The following FAM13A variants were observed in gnomAD, a reference collection of about 807,000 sequenced individuals.
FAM13A encodes the protein family with sequence similarity 13 member A, also known as protein FAM13A.
In FAM13A, 76 loss-of-function variants were observed where a neutral mutation model predicts 129.6. The ratio of observed to expected loss-of-function variants is 0.59; its 90% confidence interval spans 0.49 to 0.71. FAM13A has a LOEUF of 0.71. Among genes scored for constraint, FAM13A ranks in the 30% least tolerant of loss-of-function variants. The pLI is 0.00. For synonymous variants in FAM13A, 443 were observed against 449.9 expected (o/e 0.98, Z 0.20); for missense variants, 1,108 against 1,249.3 (o/e 0.89, Z 1.70).
At chr4:88,752,087 G>A (rs1187721309) in intron 14 of FAM13A, among the ~76,000 whole-genome samples, 9 of 152,160 alleles carry the variant, frequency 5.9e-5, no homozygotes, top group African/African-American at 9.7e-5. Context: ...AAGTCACACA[G>A]GGAAATATAA....
chr4:88,851,930 A>C (rs1168073105), intron 6 of FAM13A, among the ~76,000 whole-genome samples: 1 of 152,162 alleles, frequency 6.6e-6, no homozygotes, highest in Non-Finnish European at 1.5e-5. Flanking sequence ...TTTCCTTTAA[A>C]ATGTAAAAAA....
intron 4 of FAM13A, among the ~76,000 whole-genome samples, chr4:88,973,334 C>T (rs1370293108): frequency 6.6e-6 from 1 of 151,802 alleles, no homozygotes; most frequent in Non-Finnish European, 1.5e-5. Flanking sequence ...TATTCTATTC[C>T]ATGTTTTTCA....
chr4:89,036,294 A>G (rs1486658120), intron 1 of FAM13A, among the ~76,000 whole-genome samples: 1 of 152,214 alleles, frequency 6.6e-6, no homozygotes, highest in Non-Finnish European at 1.5e-5. Context: ...TAGCAAAGGA[A>G]GTGGCAGCAT....
chr4:88,957,064 G>A (rs771394919), intron 4 of FAM13A, among the ~76,000 whole-genome samples: 3 of 152,276 alleles, frequency 2.0e-5, no homozygotes, highest in Non-Finnish European at 4.4e-5. Context: ...AGTGGCTCAC[G>A]CCTGTAATCC....
chr4:88,772,829 GT>G (rs1720953488), intron 11 of FAM13A, among the ~76,000 whole-genome samples: 1 of 152,134 alleles, frequency 6.6e-6, no homozygotes, highest in African/African-American at 2.4e-5. Flanking sequence ...AAATCAGATG[GT>G]TGTATGGATA....
intron 6 of FAM13A, among the ~76,000 whole-genome samples, chr4:88,883,653 T>C (rs1743959049): frequency 6.6e-6 from 1 of 151,192 alleles, no homozygotes; most frequent in Admixed American, 6.6e-5. Context: ...AGAAAAGAAA[T>C]AATGAAGATC....
At chr4:88,972,299 CTTTTTTTTT>C (rs57674045) in intron 4 of FAM13A, among the ~76,000 whole-genome samples, 1 of 137,638 alleles carries the variant, frequency 7.3e-6, no homozygotes, top group Non-Finnish European at 1.6e-5. Flanking sequence ...TTCTCCTTCA[CTTTTTTTTT>C]TTTTTTTTTT....
At chr4:88,787,044 T>C (rs954270604) in intron 10 of FAM13A, among the ~76,000 whole-genome samples, 32 of 152,080 alleles carry the variant, frequency 2.1e-4, no homozygotes, top group Non-Finnish European at 1.6e-4. Flanking sequence ...TATGAATATC[T>C]GTATAGTCTA....
chr4:88,736,441 TAACTACAGC>T (rs962134505), intron 21 of FAM13A: 1 of 152,200 alleles, frequency 6.6e-6, no homozygotes, highest in Admixed American at 6.5e-5. Flanking sequence ...TAATCATTCC[TAACTACAGC>T]ACGTAAATGA....
chr4:88,812,234 T>C (rs1024840443), intron 7 of FAM13A, among the ~76,000 whole-genome samples: 3 of 152,156 alleles, frequency 2.0e-5, no homozygotes, highest in South Asian at 2.1e-4. Context: ...ATCTCTTACC[T>C]CCATATTTGA....
At position 88,914,162 on chromosome 4, in the gene FAM13A, C is replaced by G. The variant is rs903313470; in HGVS notation, c.760-7700G>C. Among the ~76,000 whole-genome samples, 6 of 152,222 alleles carry G rather than the reference C, an allele frequency of 3.9e-5. No homozygotes were observed. The South Asian group carries it at 1.0e-3, about 26-fold the overall frequency. On this transcript the variant is annotated intron_variant, in intron 5 of 23. Coordinates refer to ENST00000264344, the MANE Select transcript of FAM13A (RefSeq NM_014883.4). Reference sequence around the variant, plus strand: ...CGCCAAGTGCAGTCAGTACTATCTCCAAAATAAACTGAAATCGGTCTACTC... The same window carrying G: ...CGCCAAGTGCAGTCAGTACTATCTCGAAAATAAACTGAAATCGGTCTACTC...
In FAM13A at chr4:88,781,191, G is replaced by A. The variant is rs748287571; in HGVS notation, c.1432C>T (p.Leu478Phe). The A allele has an allele frequency of 1.3e-5, 21 of 1,609,010 alleles. No individual in the cohort carries two copies. Among genetic ancestry groups the A allele is most frequent in the Non-Finnish European group, 1.7e-5 (20 of 1,177,568 alleles). The change falls in exon 11 of 24, where the codon CTT becomes TTT. Residue 478 changes from leucine (L) to phenylalanine (F), a missense_variant. Leu to Phe is a conservative substitution (Grantham distance 22, BLOSUM62 0). Around this residue, in one of 3 missense-constraint regions of FAM13A, gnomAD observed 566 missense variants for 595.7 expected, o/e 0.95. Coordinates refer to ENST00000264344, the MANE Select transcript of FAM13A (RefSeq NM_014883.4). ...ACAAGACCGTCCTGATTGTCATGAA[G>A]CTCAGAAAGTTTAGTACTGGATTTC... ...RQKSSTKLSE[L>F]HDNQDGLVNM...
At chr4:89,049,089 G>C (rs1771224394) in intron 1 of FAM13A, among the ~76,000 whole-genome samples, 1 of 152,090 alleles carries the variant, frequency 6.6e-6, no homozygotes, top group Admixed American at 6.5e-5. Context: ...ATAGTGTTTT[G>C]AATTTTTATA....
chr4:89,009,353 C>A (rs189097221), intron 3 of FAM13A, among the ~76,000 whole-genome samples: 8 of 152,308 alleles, frequency 5.3e-5, no homozygotes, highest in Admixed American at 1.3e-4. Context: ...AGAGATAAGA[C>A]TCCCTTCAAC....
chr4:88,976,589 T>C (rs1033879861), intron 4 of FAM13A, among the ~76,000 whole-genome samples: 8 of 152,096 alleles, frequency 5.3e-5, no homozygotes, highest in African/African-American at 1.9e-4. Flanking sequence ...AACTGAAAAA[T>C]TAGTATTGCC....
intron 7 of FAM13A, among the ~76,000 whole-genome samples, chr4:88,834,914 C>T (rs1734556896): frequency 6.6e-6 from 1 of 152,146 alleles, no homozygotes; most frequent in African/African-American, 2.4e-5. Flanking sequence ...CCCCTTCACC[C>T]TCCCTTTCCC....
chr4:88,825,257 C>A (rs1732779783), intron 7 of FAM13A, among the ~76,000 whole-genome samples: 1 of 151,652 alleles, frequency 6.6e-6, no homozygotes, highest in African/African-American at 2.4e-5. Flanking sequence ...GCTCTGTCAC[C>A]CAGGCTGGAG....
In FAM13A at chr4:89,023,667, C is replaced by T. The variant is rs138490237; in HGVS notation, c.218-2998G>A. On this transcript the variant is annotated intron_variant, in intron 2 of 23. Transcript: ENST00000264344. ...CTCAATAATATTTTCCTGTCTCTGT[C>T]CCATTTATCTGAACAACTCTTTTCC... Among the ~76,000 whole-genome samples, 61 of 152,250 alleles carry T rather than the reference C, an allele frequency of 4.0e-4. No individual in the cohort carries two copies. The Middle Eastern group carries it at 0.01, about 25-fold the overall frequency.
chr4:88,728,365 G>A lies in FAM13A; in HGVS notation c.*168C>T. ...AGGTCACATTGTCTTCTTCCAGCCAGTTTCTAAGGCAGGCAATGGAAACAG... is the reference window on the plus strand; with the variant it reads ...AGGTCACATTGTCTTCTTCCAGCCAATTTCTAAGGCAGGCAATGGAAACAG... On this transcript the variant is annotated 3_prime_UTR_variant, in exon 24 of 24. Coordinates refer to ENST00000264344, the MANE Select transcript of FAM13A (RefSeq NM_014883.4). The A allele has an allele frequency of 1.3e-6, 1 of 756,212 alleles. No individual in the cohort carries two copies. The highest frequency in any genetic ancestry group is 1.8e-5 in the South Asian group (1 of 54,590). The allele number at this position is 756,212 out of a possible 1,614,324, so 46.8% of individuals were successfully genotyped here. A position where few individuals can be genotyped will look rare whatever the true frequency, so the allele number is the denominator to read the frequency against.
Sources: allele counts gnomAD v4.1 joint callset (sites outside exome capture counted in the v4.1 genomes callset), GRCh38; gene constraint gnomAD v4.1.1; regional missense constraint gnomAD v4.1.1; transcripts MANE v1.5; gene names NCBI Gene and HGNC (gene_info 2026-07-23, HGNC 2026-07-21).